DNM1L: variants seen among roughly 807,000 people sequenced by gnomAD.
DNM1L encodes dynamin-1-like protein.
In DNM1L, 33 loss-of-function variants were observed where a neutral mutation model predicts 92.8. That is an observed-to-expected ratio of 0.36 (90% CI 0.27 to 0.48). The LOEUF (loss-of-function observed/expected upper bound fraction) is 0.48. Ranked by LOEUF, DNM1L falls within the 20% of genes least tolerant of loss-of-function variation. The pLI, the probability that DNM1L is intolerant of heterozygous loss-of-function variation, is 0.99. For missense variants in DNM1L, 485 were observed against 888.8 expected (o/e 0.55, Z 5.78); for synonymous variants, 284 against 305.0 (o/e 0.93, Z 0.72).
In DNM1L at chr12:32,744,626, T is replaced by C. The variant is rs562927660; in HGVS notation, c.*1216T>C. On this transcript the variant is annotated 3_prime_UTR_variant, in exon 20 of 20. Coordinates refer to ENST00000549701, the MANE Select transcript of DNM1L (RefSeq NM_012062.5). ...TACTCGGGAGGGTGAGGCAGGAGAA[T>C]TGCTTGACCCTGGGAGGTGGAGGTT... 1.1e-5 allele frequency: 3 copies of C among 266,584 alleles called. No individual in the cohort carries two copies. The highest frequency in any genetic ancestry group is 4.5e-4 in the Middle Eastern group (1 of 2,218). The allele number at this position is 266,584 out of a possible 1,614,324, so 16.5% of individuals were successfully genotyped here.
chr12:32,722,290 C>T, intron 8 of DNM1L, 137 bp from the exon 9 acceptor site: 2 of 752,408 alleles, frequency 2.7e-6, no homozygotes. Context: ...AGACAAAGAC[C>T]AAATATATAT....
At chr12:32,680,289 T>C (rs1480908466) in intron 1 of DNM1L, among the ~76,000 whole-genome samples, 1 of 152,204 alleles carries the variant, frequency 6.6e-6, no homozygotes, top group Non-Finnish European at 1.5e-5. Context: ...ATTTTCCTTT[T>C]CTCTGCTACT....
chr12:32,738,409 G>A (rs1386291441), intron 16 of DNM1L, 113 bp downstream of exon 16: 3 of 1,191,108 alleles, frequency 2.5e-6, no homozygotes, highest in Admixed American at 1.8e-5. Flanking sequence ...TCTTGTCTGT[G>A]TTATGTTCTT....
chr12:32,713,095 T>C, intron 5 of DNM1L, 114 bp from the exon 6 acceptor site: 1 of 1,039,154 alleles, frequency 9.6e-7, no homozygotes, highest in Non-Finnish European at 1.4e-6. Flanking sequence ...ATGTCTTTAT[T>C]TTTATTTTAA....
chr12:32,683,830 A>G (rs186078371), intron 1 of DNM1L, among the ~76,000 whole-genome samples: 1 of 152,176 alleles, frequency 6.6e-6, no homozygotes, highest in African/African-American at 2.4e-5. Flanking sequence ...GACATGAGCC[A>G]CTGTGCTCGG....
intron 1 of DNM1L, among the ~76,000 whole-genome samples, chr12:32,687,545 C>T (rs547884842): frequency 3.2e-4 from 49 of 152,024 alleles, no homozygotes; most frequent in Non-Finnish European, 3.1e-4. Flanking sequence ...TGAGTTCAAG[C>T]GATTCTTCTG....
chr12:32,680,756 T>C (rs1357499733), intron 1 of DNM1L, among the ~76,000 whole-genome samples: 1 of 152,232 alleles, frequency 6.6e-6, no homozygotes, highest in Non-Finnish European at 1.5e-5. Flanking sequence ...AAGTGCTCTG[T>C]AAATATTTTG....
At chr12:32,704,549 T>TA (rs10600620) in intron 2 of DNM1L, among the ~76,000 whole-genome samples, 88 of 145,120 alleles carry the variant, frequency 6.1e-4, no homozygotes, top group South Asian at 2.2e-3. Context: ...GACTCCGTCT[T>TA]AAAAAAAAAA....
At chr12:32,723,693 C>CAAAAA (rs1172541097) in intron 9 of DNM1L, among the ~76,000 whole-genome samples, 2 of 56,026 alleles carry the variant, frequency 3.6e-5, no homozygotes, top group Non-Finnish European at 8.1e-5. Flanking sequence ...GACTCTGTCT[C>CAAAAA]AAAAAAAAAA....
At chr12:32,705,844 C>A in intron 2 of DNM1L, 5 of 1,598,036 alleles carry the variant, frequency 3.1e-6, no homozygotes, top group Non-Finnish European at 3.4e-6. Context: ...CATGGAAAAA[C>A]TCAAGACACC....
chr12:32,705,988 C>T (rs1952910765), intron 2 of DNM1L: 1 of 829,450 alleles, frequency 1.2e-6, no homozygotes, highest in Non-Finnish European at 1.8e-6. Flanking sequence ...ACATTGATTG[C>T]AGGTTTTAGT....
intron 1 of DNM1L, among the ~76,000 whole-genome samples, chr12:32,682,161 T>C (rs1951830453): frequency 6.6e-6 from 1 of 152,042 alleles, no homozygotes; most frequent in Admixed American, 6.6e-5. Flanking sequence ...AGACCGAGTT[T>C]CGCTCTTGTT....
chr12:32,740,021 C>T (rs775928022), intron 16 of DNM1L, 43 bp from the exon 17 acceptor site: 1 of 1,603,556 alleles, frequency 6.2e-7, no homozygotes. Context: ...TAGTTAAGGT[C>T]AGATATGATG....
chr12:32,740,049 A>C lies in DNM1L; in HGVS notation c.1708-15A>C, dbSNP rs750416981. 30 of 1,613,998 alleles carry C rather than the reference A, an allele frequency of 1.9e-5. No homozygotes were observed. Among genetic ancestry groups the C allele is most frequent in the Non-Finnish European group, 2.4e-5 (28 of 1,179,962 alleles). On this transcript the variant is annotated splice_polypyrimidine_tract_variant and intron_variant, in intron 16 of 19. Coordinates refer to ENST00000549701, the MANE Select transcript of DNM1L (RefSeq NM_012062.5). ...ATATGATGTGGTTGGTATGTTTTGG[A>C]ACATGTTTTTTCAGGTTGCATCTGG... is the stretch of plus-strand genomic sequence containing the variant.
chr12:32,682,375 A>G (rs11052166), intron 1 of DNM1L, among the ~76,000 whole-genome samples: 23,598 of 151,802 alleles, frequency 0.16, 1,940 homozygotes, highest in Middle Eastern at 0.21. Context: ...CAGGTGATCC[A>G]CCCGTCTCGG....
At chr12:32,720,530 C>T in intron 7 of DNM1L, 134 bp from the exon 8 acceptor site, 1 of 1,347,324 alleles carries the variant, frequency 7.4e-7, no homozygotes, top group Non-Finnish European at 1.0e-6. Context: ...ATACCTGCCA[C>T]ATAAAATTAT....
chr12:32,705,191 C>T (rs571051417), intron 2 of DNM1L, among the ~76,000 whole-genome samples: 18 of 151,702 alleles, frequency 1.2e-4, no homozygotes, highest in African/African-American at 4.3e-4. Flanking sequence ...TTAGTAGAGA[C>T]GGGGTTTTGC....
intron 18 of DNM1L, 77 bp downstream of exon 18, chr12:32,740,595 AT>A: frequency 1.5e-6 from 2 of 1,300,958 alleles, no homozygotes; most frequent in Non-Finnish European, 2.2e-6. Flanking sequence ...AAATACATGT[AT>A]TTTTACAATT....
chr12:32,700,352 T>C (rs1370665668), intron 1 of DNM1L, among the ~76,000 whole-genome samples: 1 of 152,108 alleles, frequency 6.6e-6, no homozygotes, highest in Non-Finnish European at 1.5e-5. Flanking sequence ...ACTCCTGACC[T>C]CAGATGATCT....
Sources: allele counts gnomAD v4.1 joint callset (sites outside exome capture counted in the v4.1 genomes callset), GRCh38; gene constraint gnomAD v4.1.1; transcripts MANE v1.5; gene names NCBI Gene and HGNC (gene_info 2026-07-23, HGNC 2026-07-21).